Variants in DDX10 observed in about 807,000 individuals in gnomAD.
DDX10 encodes the protein DEAD-box helicase 10.
DDX10 carries 74 observed loss-of-function variants against 104.3 expected under a neutral mutation model. The observed-to-expected ratio is 0.71, with a 90% CI of 0.59 to 0.86. DDX10 has a LOEUF of 0.86. Ranked by LOEUF, DDX10 falls within the 40% of genes least tolerant of loss-of-function variation. The pLI, the probability that DDX10 is intolerant of heterozygous loss-of-function variation, is 0.00. For synonymous variants in DDX10, 351 were observed against 353.4 expected, an observed-to-expected ratio of 0.99 and a Z score of 0.08; for missense variants, 952 against 1,040.0, an observed-to-expected ratio of 0.92 and a Z score of 1.16.
chr11:108,801,516 C>T (rs533685122), intron 13 of DDX10, among the ~76,000 whole-genome samples: 5 of 152,314 alleles, frequency 3.3e-5, no homozygotes, highest in South Asian at 2.1e-4. Flanking sequence ...AATCCTGACA[C>T]TACACTATGT....
At chr11:108,796,726 G>A (rs1040365475) in intron 13 of DDX10, among the ~76,000 whole-genome samples, 1 of 152,140 alleles carries the variant, frequency 6.6e-6, no homozygotes, top group African/African-American at 2.4e-5. Flanking sequence ...CAAAGTTATT[G>A]TGTTGGAAAC....
At chr11:108,846,150 A>G (rs934764380) in intron 15 of DDX10, among the ~76,000 whole-genome samples, 1 of 152,166 alleles carries the variant, frequency 6.6e-6, no homozygotes, top group African/African-American at 2.4e-5. Context: ...TTGACACATA[A>G]TAATTGTATG....
At chr11:108,822,101 A>G (rs1234118393) in intron 13 of DDX10, among the ~76,000 whole-genome samples, 1 of 152,250 alleles carries the variant, frequency 6.6e-6, no homozygotes, top group Non-Finnish European at 1.5e-5. Context: ...CTTTAGAAGG[A>G]GTAAACAGTG....
chr11:108,765,949 T>C (rs140061466), intron 13 of DDX10, among the ~76,000 whole-genome samples: 1 of 152,332 alleles, frequency 6.6e-6, no homozygotes, highest in African/African-American at 2.4e-5. Flanking sequence ...TATTGAATCA[T>C]AGGTGCCTAC....
intron 10 of DDX10, among the ~76,000 whole-genome samples, chr11:108,710,523 A>G (rs780169526): frequency 6.6e-6 from 1 of 151,876 alleles, no homozygotes; most frequent in Non-Finnish European, 1.5e-5. Flanking sequence ...TCATTTTCAC[A>G]TCGTCCCACT....
intron 13 of DDX10, among the ~76,000 whole-genome samples, chr11:108,730,633 C>T (rs1181183157): frequency 6.6e-6 from 1 of 152,150 alleles, no homozygotes; most frequent in African/African-American, 2.4e-5. Context: ...TCATGACTTA[C>T]AGTGGTTCAA....
At position 108,693,574 on chromosome 11, in the gene DDX10, T is replaced by A; in HGVS notation, c.1197T>A (p.Tyr399Ter). 1.2e-6 allele frequency: 2 copies of A among 1,614,088 alleles called. No individual in the cohort carries two copies. Among genetic ancestry groups the A allele is most frequent in the Non-Finnish European group, 1.7e-6 (2 of 1,179,958 alleles). The change falls in exon 9 of 18, where the codon TAT becomes TAA. Residue 399 changes from tyrosine (Y) to a stop codon, truncating the protein, a stop_gained. Coordinates refer to ENST00000322536, the MANE Select transcript of DDX10 (RefSeq NM_004398.4). LOFTEE classifies it high-confidence loss of function. ...QFDCPEDANTYIHRAGRTARY... is the reference protein window; with the variant it reads ...QFDCPEDANT The stretch of plus-strand genomic sequence containing the variant: ...ATTGTCCTGAGGATGCCAACACATA[T>A]ATTCACAGAGCAGGTAGAACTGCCA...
chr11:108,732,805 A>G (rs374921411), intron 13 of DDX10, among the ~76,000 whole-genome samples: 1 of 152,240 alleles, frequency 6.6e-6, no homozygotes, highest in East Asian at 1.9e-4. Flanking sequence ...ACCTCCAGGG[A>G]GACAGTGTTA....
chr11:108,725,773 C>G (rs2094304643), intron 13 of DDX10, among the ~76,000 whole-genome samples: 1 of 151,882 alleles, frequency 6.6e-6, no homozygotes, highest in African/African-American at 2.4e-5. Flanking sequence ...TGGCAAAGAG[C>G]AGGTATCTTA....
intron 16 of DDX10, among the ~76,000 whole-genome samples, chr11:108,877,310 G>A (rs763309980): frequency 1.3e-5 from 2 of 152,080 alleles, no homozygotes; most frequent in African/African-American, 2.4e-5. Context: ...TATTTTCCAT[G>A]ATCTAGACAT....
intron 13 of DDX10, among the ~76,000 whole-genome samples, chr11:108,743,711 C>T (rs750838978): frequency 5.9e-5 from 9 of 152,090 alleles, no homozygotes; most frequent in Non-Finnish European, 1.0e-4. Context: ...GTGCTAATTA[C>T]CATTGCCAGA....
intron 13 of DDX10, among the ~76,000 whole-genome samples, chr11:108,807,000 T>A (rs1467871944): frequency 1.3e-5 from 2 of 152,200 alleles, no homozygotes; most frequent in African/African-American, 2.4e-5. Flanking sequence ...AAAGATGTGA[T>A]CTTGGTCTGT....
At chr11:108,904,625 A>G (rs1287591528) in intron 16 of DDX10, among the ~76,000 whole-genome samples, 1 of 152,208 alleles carries the variant, frequency 6.6e-6, no homozygotes, top group Non-Finnish European at 1.5e-5. Flanking sequence ...AATTGATGGA[A>G]CAAACCATGA....
intron 9 of DDX10, among the ~76,000 whole-genome samples, chr11:108,702,816 G>C (rs2094270330): frequency 6.6e-6 from 1 of 152,170 alleles, no homozygotes; most frequent in African/African-American, 2.4e-5. Context: ...GGATTTAGAG[G>C]TTTAAAGTCT....
rs147501537 is a variant in DDX10, at chr11:108,894,186, T to C, written c.2305-23687T>C. Among the ~76,000 whole-genome samples, 1,025 of 152,178 alleles carry C rather than the reference T, an allele frequency of 6.7e-3. 11 individuals are homozygous for C. The highest frequency in any genetic ancestry group is 0.023 in the African/African-American group (959 of 41,572). On this transcript the variant is annotated intron_variant, in intron 16 of 17. Coordinates refer to ENST00000322536, the MANE Select transcript of DDX10 (RefSeq NM_004398.4). ...GTGAGAGCATGAGAATAATACACTT[T>C]GCATGTTTTAGCAGTGGAGATAGTA...
At chr11:108,888,754 G>A (rs1863335623) in intron 16 of DDX10, among the ~76,000 whole-genome samples, 1 of 151,364 alleles carries the variant, frequency 6.6e-6, no homozygotes, top group Non-Finnish European at 1.5e-5. Flanking sequence ...ATATTGATGT[G>A]TCTGACAAGA....
At chr11:108,876,676 A>G (rs934200299) in intron 16 of DDX10, among the ~76,000 whole-genome samples, 12 of 152,312 alleles carry the variant, frequency 7.9e-5, no homozygotes, top group Admixed American at 2.0e-4. Context: ...CTCTAAATTT[A>G]CTAAGAAGTA....
chr11:108,743,233 A>C (rs2094327454), intron 13 of DDX10, among the ~76,000 whole-genome samples: 1 of 152,212 alleles, frequency 6.6e-6, no homozygotes, highest in African/African-American at 2.4e-5. Flanking sequence ...ACATATGCAA[A>C]TCAATAAATG....
chr11:108,824,034 G>T (rs192915106), intron 13 of DDX10, among the ~76,000 whole-genome samples: 11 of 152,150 alleles, frequency 7.2e-5, no homozygotes, highest in African/African-American at 2.6e-4. Context: ...AAATAGTTTC[G>T]TGATTTCTGT....
Sources: allele counts gnomAD v4.1 joint callset (sites outside exome capture counted in the v4.1 genomes callset), GRCh38; gene constraint gnomAD v4.1.1; transcripts MANE v1.5; gene names NCBI Gene and HGNC (gene_info 2026-07-23, HGNC 2026-07-21).